Variants in GGNBP2 observed in about 807,000 individuals in gnomAD.
GGNBP2 encodes the protein gametogenetin binding protein 2, also known as gametogenetin-binding protein 2.
In GGNBP2, 10 loss-of-function variants were observed where a neutral mutation model predicts 85.9. That is an observed-to-expected ratio of 0.12 (90% CI 0.07 to 0.20). GGNBP2 has a LOEUF of 0.20. Ranked by LOEUF, GGNBP2 falls within the 10% of genes least tolerant of loss-of-function variation. The probability of loss-of-function intolerance (pLI) is 1.00; values close to 1 mark genes in which losing one functional copy is unlikely to be tolerated. For missense variants in GGNBP2, 595 were observed against 857.8 expected, an observed-to-expected ratio of 0.69 and a Z score of 3.83; for synonymous variants, 287 against 285.7, an observed-to-expected ratio of 1.00 and a Z score of -0.05.
chr17:36,578,359 A>G, intron 7 of GGNBP2, 173 bp downstream of exon 7: 1 of 552,614 alleles, frequency 1.8e-6, no homozygotes, highest in Non-Finnish European at 3.1e-6. Flanking sequence ...TTGACTGAAA[A>G]TAGGGAAAAA....
At chr17:36,547,822 GA>G (rs1352494480) in intron 2 of GGNBP2, 3 of 152,346 alleles carry the variant, frequency 2.0e-5, no homozygotes, top group Admixed American at 1.3e-4. Context: ...TATCACAAAG[GA>G]ATGAGTGAGA....
chr17:36,545,521 C>T (rs1230014428), intron 1 of GGNBP2, 98 bp from the exon 2 acceptor site: 1 of 470,516 alleles, frequency 2.1e-6, no homozygotes, highest in East Asian at 3.4e-5. Flanking sequence ...GAAACGCAGC[C>T]CGGCTCTCCC....
chr17:36,574,945 G>C, intron 6 of GGNBP2: 1 of 1,253,542 alleles, frequency 8.0e-7, no homozygotes, highest in South Asian at 1.3e-5. Context: ...GGCCATTGTA[G>C]TCCACGATGG....
At chr17:36,577,264 A>C (rs1191718878) in intron 6 of GGNBP2, 1 of 152,160 alleles carries the variant, frequency 6.6e-6, no homozygotes, top group African/African-American at 2.4e-5. Context: ...TTCTAAAAGA[A>C]ATTTTCTTCC....
At chr17:36,556,328 A>G (rs550163722) in intron 3 of GGNBP2, among the ~76,000 whole-genome samples, 6 of 152,348 alleles carry the variant, frequency 3.9e-5, no homozygotes, top group Admixed American at 1.3e-4. Flanking sequence ...TTGCTGCTCC[A>G]TATGATTACC....
At chr17:36,585,506 T>TA in intron 10 of GGNBP2, 56 bp downstream of exon 10, 1 of 1,220,732 alleles carries the variant, frequency 8.2e-7, no homozygotes, top group Admixed American at 2.3e-5. Context: ...TTCTTACTGT[T>TA]AAATGTAAGA....
At chr17:36,558,171 T>C (rs1297985512) in intron 4 of GGNBP2, among the ~76,000 whole-genome samples, 1 of 151,916 alleles carries the variant, frequency 6.6e-6, no homozygotes, top group East Asian at 2.0e-4. Flanking sequence ...CCCAACACTT[T>C]GGGAGGCCGA....
intron 6 of GGNBP2, chr17:36,577,275 T>G (rs1239894756): frequency 6.6e-6 from 1 of 152,212 alleles, no homozygotes; most frequent in Non-Finnish European, 1.5e-5. Context: ...ATTTTCTTCC[T>G]TCTCTACATT....
chr17:36,581,698 TAGTG>T (rs2074652131), intron 9 of GGNBP2, 160 bp downstream of exon 9: 1 of 422,090 alleles, frequency 2.4e-6, no homozygotes, highest in Non-Finnish European at 4.3e-6. Flanking sequence ...CTGGGCAAGA[TAGTG>T]AGATCTCTAT....
chr17:36,545,961 A>G (rs911410077), intron 2 of GGNBP2, 144 bp downstream of exon 2: 42 of 608,870 alleles, frequency 6.9e-5, no homozygotes, highest in Admixed American at 5.1e-4. Context: ...AGGCCCCACA[A>G]ACTCGCCTTT....
intron 2 of GGNBP2, among the ~76,000 whole-genome samples, chr17:36,551,366 C>A (rs575048247): frequency 6.6e-6 from 1 of 152,026 alleles, no homozygotes; most frequent in East Asian, 2.0e-4. Context: ...GCCACTATGG[C>A]TAATTTTTTG....
chr17:36,575,649 T>TATATA (rs1491168966), intron 6 of GGNBP2, among the ~76,000 whole-genome samples: 48 of 37,790 alleles, frequency 1.3e-3, no homozygotes, highest in East Asian at 5.8e-3. Context: ...TATATATATA[T>TATATA]TTTTTTTTTT....
intron 9 of GGNBP2, chr17:36,582,207 A>G (rs2074657920): frequency 6.6e-6 from 1 of 151,992 alleles, no homozygotes; most frequent in African/African-American, 2.4e-5. Flanking sequence ...TCTCTAAATT[A>G]TAATACCTAA....
Position 36,546,198 on chromosome 17 carries a change from T to G in GGNBP2, c.93+381T>G, listed in dbSNP as rs2074253033. ...CCCTCGGGGAGGCTTAATTACCTGG[T>G]AATGTCGCAGCTGCACTGCTACCTG... On this transcript the variant is annotated intron_variant, in intron 2 of 13. Coordinates refer to ENST00000613102, the MANE Select transcript of GGNBP2 (RefSeq NM_024835.5). 1.8e-5 allele frequency: 7 copies of G among 385,592 alleles called. No homozygotes were observed. In the East Asian group the frequency reaches 2.6e-4, roughly 14 times the overall value. 23.9% of individuals were successfully genotyped at this position (385,592 alleles called of 1,614,324 possible). A position where few individuals can be genotyped will look rare whatever the true frequency, so the allele number is the denominator to read the frequency against.
chr17:36,577,006 G>A (rs1452918905), intron 6 of GGNBP2: 1 of 152,170 alleles, frequency 6.6e-6, no homozygotes, highest in Non-Finnish European at 1.5e-5. Context: ...GATTTGAATG[G>A]AGCTGTAGAG....
At chr17:36,589,120 A>T in intron 13 of GGNBP2, 88 bp from the exon 14 acceptor site, 1 of 879,630 alleles carries the variant, frequency 1.1e-6, no homozygotes, top group Non-Finnish European at 1.8e-6. Flanking sequence ...CTAAAAAGTT[A>T]GACTGGTTTA....
chr17:36,568,400 G>A (rs545842475), intron 6 of GGNBP2, among the ~76,000 whole-genome samples: 17 of 152,128 alleles, frequency 1.1e-4, no homozygotes, highest in Middle Eastern at 6.8e-3. Flanking sequence ...GCGTTCCAGC[G>A]GTTCTCCTGC....
intron 12 of GGNBP2, chr17:36,586,576 C>T (rs2142791179): frequency 7.8e-6 from 2 of 256,090 alleles, no homozygotes; most frequent in South Asian, 1.2e-4. Flanking sequence ...AAAATGAATG[C>T]CAGCTGCTAC....
At chr17:36,567,576 C>T in intron 5 of GGNBP2, 87 bp from the exon 6 acceptor site, 1 of 693,140 alleles carries the variant, frequency 1.4e-6, no homozygotes, top group Non-Finnish European at 2.6e-6. Context: ...CAGGTAAAAA[C>T]AAGCAATACT....
Sources: gnomAD v4.1 joint callset for allele counts (sites outside exome capture counted in the v4.1 genomes callset) on GRCh38, gnomAD v4.1.1 for gene constraint, MANE v1.5 for transcripts, NCBI Gene and HGNC (gene_info 2026-07-23, HGNC 2026-07-21) for gene names.